The following ROR1 variants were observed in gnomAD, a reference collection of about 807,000 sequenced individuals.
ROR1 encodes ROR family WNT receptor 1.
In ROR1, 19 loss-of-function variants were observed where a neutral mutation model predicts 78.8. The observed-to-expected ratio is 0.24, with a 90% CI of 0.17 to 0.35. The LOEUF (loss-of-function observed/expected upper bound fraction) is 0.35, where lower values mean the gene tolerates loss of function less well. Ranked by LOEUF, ROR1 falls within the 10% of genes least tolerant of loss-of-function variation. ROR1 has a pLI of 1.00. For synonymous variants in ROR1, 386 were observed against 433.6 expected, an observed-to-expected ratio of 0.89 and a Z score of 1.36; for missense variants, 917 against 1,177.8, an observed-to-expected ratio of 0.78 and a Z score of 3.24.
chr1:64,016,070 A>G (rs1033411662), intron 2 of ROR1, among the ~76,000 whole-genome samples: 6 of 152,230 alleles, frequency 3.9e-5, no homozygotes, highest in Admixed American at 1.3e-4. Flanking sequence ...TTGAGGAAAC[A>G]GCACTTTAAC....
At chr1:64,079,470 A>ATTTTTTTTTTTTTTTTTTTTTTTTT (rs71056020) in intron 4 of ROR1, among the ~76,000 whole-genome samples, 1 of 146,280 alleles carries the variant, frequency 6.8e-6, no homozygotes. Flanking sequence ...CTTGATTGGG[A>ATTTTTTTTTTTTTTTTTTTTTTTTT]TTTTTTTTTT....
chr1:63,948,289 G>T (rs1304579662), intron 1 of ROR1, among the ~76,000 whole-genome samples: 1 of 150,632 alleles, frequency 6.6e-6, no homozygotes, highest in African/African-American at 2.4e-5. Flanking sequence ...ATGTATGTAA[G>T]TTCTGAATAA....
rs1645059787 is a variant in ROR1 at position 63,843,176 on chromosome 1, G to A, written c.91+68668G>A. On this transcript the variant is annotated intron_variant, in intron 1 of 8. Coordinates refer to ENST00000371079, the MANE Select transcript of ROR1 (RefSeq NM_005012.4). ...TGGGGCTGCCAGATGCTCCAGGCAGGTGGCCAGAACCGGCTCACAAAGGCT... is the reference window on the plus strand; with the variant it reads ...TGGGGCTGCCAGATGCTCCAGGCAGATGGCCAGAACCGGCTCACAAAGGCT... 9 of 1,185,410 alleles carry A rather than the reference G, an allele frequency of 7.6e-6. No individual in the cohort carries two copies. In the South Asian group the frequency reaches 1.1e-4, roughly 15 times the overall value. 73.4% of individuals were successfully genotyped at this position (1,185,410 alleles called of 1,614,324 possible). A position where few individuals can be genotyped will look rare whatever the true frequency, so the allele number is the denominator to read the frequency against.
At chr1:64,067,269 G>A (rs1019814448) in intron 4 of ROR1, among the ~76,000 whole-genome samples, 3 of 151,736 alleles carry the variant, frequency 2.0e-5, no homozygotes, top group African/African-American at 7.3e-5. Context: ...AGGATCATGA[G>A]CCCAGGAGGC....
intron 1 of ROR1, among the ~76,000 whole-genome samples, chr1:63,917,319 A>G (rs1232211428): frequency 6.6e-6 from 1 of 152,216 alleles, no homozygotes; most frequent in African/African-American, 2.4e-5. Context: ...TATTAAATGT[A>G]TCACAGATAC....
chr1:64,152,776 A>T (rs757262833), intron 7 of ROR1, among the ~76,000 whole-genome samples: 1 of 152,190 alleles, frequency 6.6e-6, no homozygotes, highest in Non-Finnish European at 1.5e-5. Context: ...GATTCTGGCC[A>T]TTTCAAGTTT....
chr1:63,868,385 G>C (rs1011877688), intron 1 of ROR1, among the ~76,000 whole-genome samples: 3 of 152,186 alleles, frequency 2.0e-5, no homozygotes, highest in Non-Finnish European at 4.4e-5. Flanking sequence ...AAGAGACAGA[G>C]AAATATGAGG....
intron 1 of ROR1, among the ~76,000 whole-genome samples, chr1:63,988,095 CA>C (rs199806009): frequency 2.0e-5 from 3 of 151,484 alleles, no homozygotes; most frequent in African/African-American, 7.3e-5. Context: ...CAGGAGTTTC[CA>C]AAAAAAATAA....
chr1:63,780,999 G>A (rs901483838), intron 1 of ROR1, among the ~76,000 whole-genome samples: 13 of 152,104 alleles, frequency 8.5e-5, no homozygotes, highest in African/African-American at 2.7e-4. Context: ...TAAATTTTCT[G>A]AGTAGAAGAA....
intron 1 of ROR1, among the ~76,000 whole-genome samples, chr1:63,894,325 G>A (rs1317412004): frequency 1.3e-5 from 2 of 152,010 alleles, no homozygotes; most frequent in Middle Eastern, 3.2e-3. Flanking sequence ...TGGTACCTTG[G>A]GTAACTAAAA....
At chr1:63,978,522 A>G (rs1163681527) in intron 1 of ROR1, among the ~76,000 whole-genome samples, 1 of 152,222 alleles carries the variant, frequency 6.6e-6, no homozygotes, top group Non-Finnish European at 1.5e-5. Flanking sequence ...GCAATTCCCA[A>G]ATATAGTGGG....
At chr1:64,095,017 C>T (rs1042957057) in intron 4 of ROR1, 2 of 152,168 alleles carry the variant, frequency 1.3e-5, no homozygotes, top group African/African-American at 4.8e-5. Flanking sequence ...GTCAGTCATG[C>T]TTATTTTACA....
intron 2 of ROR1, among the ~76,000 whole-genome samples, chr1:64,034,466 G>T (rs1325529880): frequency 6.6e-6 from 1 of 152,110 alleles, no homozygotes; most frequent in Admixed American, 6.6e-5. Flanking sequence ...ATGAACGAGG[G>T]TGTCTTGTTT....
intron 1 of ROR1, among the ~76,000 whole-genome samples, chr1:63,910,141 T>C (rs1645559551): frequency 6.6e-6 from 1 of 152,210 alleles, no homozygotes; most frequent in Non-Finnish European, 1.5e-5. Context: ...TGTACATCTT[T>C]GCACTCTCCA....
intron 1 of ROR1, among the ~76,000 whole-genome samples, chr1:63,926,075 A>G (rs1356120261): frequency 6.6e-6 from 1 of 152,190 alleles, no homozygotes; most frequent in East Asian, 1.9e-4. Flanking sequence ...TGTTTTAGAC[A>G]TGAAGTCCTT....
At position 64,026,623 on chromosome 1, in the gene ROR1, T is replaced by C. The variant is rs868484569; in HGVS notation, c.163+17247T>C. On this transcript the variant is annotated intron_variant, in intron 2 of 8. Coordinates refer to ENST00000371079, the MANE Select transcript of ROR1 (RefSeq NM_005012.4). Reference sequence around the variant, plus strand: ...AATTTATAAAGAAAGGAGGTTTAATTGACTCACGGTTCCACATGGCTGCGG... The same window carrying C: ...AATTTATAAAGAAAGGAGGTTTAATCGACTCACGGTTCCACATGGCTGCGG... Among the ~76,000 whole-genome samples, 129 of 152,316 alleles carry C rather than the reference T, an allele frequency of 8.5e-4. 3 individuals carry two copies. Among genetic ancestry groups the C allele is most frequent in the Admixed American group, 1.4e-3 (21 of 15,296 alleles).
intron 1 of ROR1, among the ~76,000 whole-genome samples, chr1:63,785,240 A>G (rs1482919617): frequency 6.6e-6 from 1 of 152,192 alleles, no homozygotes; most frequent in Non-Finnish European, 1.5e-5. Context: ...AAGTTTTTAC[A>G]TAATTTTCAC....
At chr1:63,906,253 C>T (rs1645527838) in intron 1 of ROR1, among the ~76,000 whole-genome samples, 1 of 151,904 alleles carries the variant, frequency 6.6e-6, no homozygotes, top group Non-Finnish European at 1.5e-5. Context: ...CCTGATAACC[C>T]GAAGTCCTAT....
chr1:63,805,823 C>G (rs1351141117), intron 1 of ROR1, among the ~76,000 whole-genome samples: 1 of 152,132 alleles, frequency 6.6e-6, no homozygotes, highest in Non-Finnish European at 1.5e-5. Flanking sequence ...CATGACCAGC[C>G]TGGGCAACAT....
Sources: gnomAD v4.1 joint callset for allele counts (sites outside exome capture counted in the v4.1 genomes callset) on GRCh38, gnomAD v4.1.1 for gene constraint, MANE v1.5 for transcripts, NCBI Gene and HGNC (gene_info 2026-07-23, HGNC 2026-07-21) for gene names.